Variants in COP1 observed in about 807,000 individuals in gnomAD.
The protein encoded by COP1 is COP1 E3 ubiquitin ligase, also known as E3 ubiquitin-protein ligase COP1.
In COP1, 24 loss-of-function variants were observed where a neutral mutation model predicts 101.3. That is an observed-to-expected ratio of 0.24 (90% CI 0.17 to 0.33). The LOEUF is 0.33. Among genes scored for constraint, COP1 ranks in the 10% least tolerant of loss-of-function variants. The pLI is 1.00. For missense variants in COP1, 663 were observed against 906.2 expected (o/e 0.73, Z 3.45); for synonymous variants, 347 against 341.9 (o/e 1.01, Z -0.17).
In COP1 at chr1:176,085,882, T is replaced by C; in HGVS notation, c.1035A>G (p.Lys345=). The change falls in exon 10 of 20, where the codon AAA becomes AAG. Residue 345 remains lysine (K), a synonymous_variant. Transcript: ENST00000367669. ...PGFSGSSQTK[K]QPWYNSTLAS... Reference sequence around the variant, plus strand: ...CTAACGTGCTATTATACCAAGGCTGTTTCTTTGTCTAAAATAATAAGAAAA... The same window carrying C: ...CTAACGTGCTATTATACCAAGGCTGCTTCTTTGTCTAAAATAATAAGAAAA... 7 of 1,576,564 alleles carry C rather than the reference T, an allele frequency of 4.4e-6. No individual in the cohort carries two copies. Among genetic ancestry groups the C allele is most frequent in the Non-Finnish European group, 6.1e-6 (7 of 1,150,456 alleles).
At chr1:176,050,172 T>C (rs921392093) in intron 11 of COP1, among the ~76,000 whole-genome samples, 1 of 152,234 alleles carries the variant, frequency 6.6e-6, no homozygotes, top group African/African-American at 2.4e-5. Flanking sequence ...TTTTGAAACA[T>C]TTCAACTGTT....
intron 11 of COP1, among the ~76,000 whole-genome samples, chr1:176,070,255 T>C (rs1170350867): frequency 6.6e-6 from 1 of 151,948 alleles, no homozygotes; most frequent in African/African-American, 2.4e-5. Flanking sequence ...TCTTATACAT[T>C]CTTAAATACT....
At chr1:176,164,163 T>G (rs1488352745) in intron 3 of COP1, among the ~76,000 whole-genome samples, 1 of 152,218 alleles carries the variant, frequency 6.6e-6, no homozygotes, top group Admixed American at 6.5e-5. Context: ...CTATTGGCAC[T>G]TGCTGAGAGA....
chr1:176,141,847 C>T (rs1173048925), intron 6 of COP1, among the ~76,000 whole-genome samples: 1 of 151,960 alleles, frequency 6.6e-6, no homozygotes, highest in Non-Finnish European at 1.5e-5. Context: ...TCTCTCACCT[C>T]AGCCTCCCAA....
intron 15 of COP1, among the ~76,000 whole-genome samples, chr1:176,004,563 G>C (rs528919495): frequency 1.9e-4 from 29 of 152,048 alleles, no homozygotes; most frequent in African/African-American, 2.9e-4. Context: ...TAGCATGAAG[G>C]GTTGTTGCAT....
At chr1:176,184,521 A>T in intron 2 of COP1, 112 bp downstream of exon 2, 1 of 783,168 alleles carries the variant, frequency 1.3e-6, no homozygotes, top group Non-Finnish European at 2.1e-6. Flanking sequence ...GAAAAAAAAT[A>T]TGACTGTAAC....
At chr1:176,033,145 C>G (rs902211514) in intron 14 of COP1, among the ~76,000 whole-genome samples, 4 of 152,248 alleles carry the variant, frequency 2.6e-5, no homozygotes, top group African/African-American at 7.2e-5. Context: ...GGTGCGGTGG[C>G]TCATGCCTGT....
At chr1:176,168,744 G>A (rs1487160221) in intron 3 of COP1, 3 of 331,022 alleles carry the variant, frequency 9.1e-6, no homozygotes, top group Admixed American at 3.6e-5. Flanking sequence ...GACAGAGTAT[G>A]CACACTGGAG....
intron 15 of COP1, among the ~76,000 whole-genome samples, chr1:176,014,321 G>A (rs539014987): frequency 6.6e-6 from 1 of 152,302 alleles, no homozygotes; most frequent in Admixed American, 6.5e-5. Context: ...ATCAATGCAA[G>A]TTCAGAGAAA....
chr1:176,134,921 ACACTG>A, intron 8 of COP1, 84 bp downstream of exon 8: 2 of 899,040 alleles, frequency 2.2e-6, no homozygotes, highest in South Asian at 3.0e-5. Context: ...GGGGTTTCAT[ACACTG>A]CATGGAAAAG....
intron 11 of COP1, among the ~76,000 whole-genome samples, chr1:176,079,931 G>A (rs994937886): frequency 3.3e-5 from 5 of 152,120 alleles, no homozygotes; most frequent in Admixed American, 1.3e-4. Context: ...GCTGAGGCAT[G>A]AGGACTGCAT....
intron 18 of COP1, among the ~76,000 whole-genome samples, chr1:175,952,419 T>C (rs1418036656): frequency 7.5e-5 from 2 of 26,660 alleles, no homozygotes; most frequent in Non-Finnish European, 1.0e-4. Flanking sequence ...CAAGACTTCA[T>C]CTCAAAAAAA....
intron 3 of COP1, among the ~76,000 whole-genome samples, chr1:176,173,324 G>GGAA (rs11423450): frequency 1.1e-5 from 1 of 93,704 alleles, no homozygotes; most frequent in South Asian, 4.1e-4. Flanking sequence ...AAAACAAAAT[G>GGAA]AAAAAAAAAA....
intron 5 of COP1, among the ~76,000 whole-genome samples, chr1:176,151,064 G>A (rs982937722): frequency 2.6e-5 from 4 of 151,940 alleles, no homozygotes; most frequent in African/African-American, 7.3e-5. Flanking sequence ...TAGAACAGGT[G>A]CAAATTTTTA....
chr1:176,133,153 CATATATATACGTAT>C (rs1689180441), intron 8 of COP1, among the ~76,000 whole-genome samples: 1 of 138,796 alleles, frequency 7.2e-6, no homozygotes, highest in Non-Finnish European at 1.6e-5. Flanking sequence ...TATATACGTA[CATATATATACGTAT>C]GTACACACAT....
intron 8 of COP1, among the ~76,000 whole-genome samples, chr1:176,133,600 A>G (rs1052721266): frequency 2.6e-5 from 4 of 151,946 alleles, no homozygotes; most frequent in African/African-American, 9.7e-5. Context: ...AGCTAGATCC[A>G]ACACCTAGAA....
intron 15 of COP1, among the ~76,000 whole-genome samples, chr1:175,992,951 C>T (rs7515914): frequency 0.39 from 58,658 of 151,978 alleles, 11,676 homozygotes; most frequent in Admixed American, 0.44. Flanking sequence ...CAAGTGGGTC[C>T]CTGACCCCTG....
At chr1:176,099,301 A>T (rs1252952715) in intron 9 of COP1, among the ~76,000 whole-genome samples, 1 of 152,246 alleles carries the variant, frequency 6.6e-6, no homozygotes, top group Non-Finnish European at 1.5e-5. Context: ...GAAGAACTAA[A>T]ATGTTGATGA....
At chr1:176,055,042 T>G (rs978145704) in intron 11 of COP1, among the ~76,000 whole-genome samples, 1 of 152,176 alleles carries the variant, frequency 6.6e-6, no homozygotes, top group Admixed American at 6.5e-5. Context: ...ACATTGATGA[T>G]CACTCTCTCT....
Sources: gnomAD v4.1 joint callset for allele counts (sites outside exome capture counted in the v4.1 genomes callset) on GRCh38, gnomAD v4.1.1 for gene constraint, MANE v1.5 for transcripts, NCBI Gene and HGNC (gene_info 2026-07-23, HGNC 2026-07-21) for gene names.